Variants in LUZP2 observed in about 807,000 individuals in gnomAD.
The protein encoded by LUZP2 is leucine zipper protein 2.
Under a neutral mutation model 51.6 loss-of-function variants are expected in LUZP2, and 52 were observed. The ratio of observed to expected loss-of-function variants is 1.01; its 90% CI spans 0.81 to 1.27. LUZP2 has a LOEUF of 1.27. Among genes scored for constraint, LUZP2 ranks in the 50% most tolerant of loss-of-function variants. The probability of loss-of-function intolerance (pLI) is 0.00; values close to 1 mark genes in which losing one functional copy is unlikely to be tolerated. For missense variants in LUZP2, 436 were observed against 395.4 expected, an observed-to-expected ratio of 1.10 and a Z score of -0.87; for synonymous variants, 154 against 137.3, an observed-to-expected ratio of 1.12 and a Z score of -0.85.
chr11:24,551,536 T>A (rs917697037), intron 1 of LUZP2, among the ~76,000 whole-genome samples: 5 of 152,040 alleles, frequency 3.3e-5, no homozygotes, highest in African/African-American at 9.7e-5. Context: ...GTTGTGCAAT[T>A]CTGATTATGC....
chr11:24,761,717 C>G (rs1859986023), intron 4 of LUZP2, among the ~76,000 whole-genome samples: 4 of 152,100 alleles, frequency 2.6e-5, no homozygotes, highest in Non-Finnish European at 5.9e-5. Flanking sequence ...TGTTTACTTT[C>G]AACTGTGGTT....
At chr11:24,549,798 A>G (rs2133743771) in intron 1 of LUZP2, among the ~76,000 whole-genome samples, 1 of 152,220 alleles carries the variant, frequency 6.6e-6, no homozygotes, top group African/African-American at 2.4e-5. Context: ...AAATTGTATC[A>G]ATTTAAATAC....
At chr11:24,996,096 A>G (rs774551038) in intron 9 of LUZP2, among the ~76,000 whole-genome samples, 1 of 151,168 alleles carries the variant, frequency 6.6e-6, no homozygotes, top group Non-Finnish European at 1.5e-5. Context: ...ATTATCTATT[A>G]TAATATATTT....
At chr11:24,729,335 G>T in intron 2 of LUZP2, 49 bp downstream of exon 2, 1 of 962,622 alleles carries the variant, frequency 1.0e-6, no homozygotes, top group South Asian at 2.0e-5. Flanking sequence ...GCAGTCATCT[G>T]ATTTTCTGAG....
chr11:24,899,130 T>C (rs551439457), intron 5 of LUZP2, among the ~76,000 whole-genome samples: 57 of 152,308 alleles, frequency 3.7e-4, no homozygotes, highest in Non-Finnish European at 6.2e-4. Context: ...TCTAAACTTA[T>C]TCACTTGCAT....
At chr11:25,038,694 G>A (rs1236096081) in intron 9 of LUZP2, among the ~76,000 whole-genome samples, 1 of 152,196 alleles carries the variant, frequency 6.6e-6, no homozygotes, top group African/African-American at 2.4e-5. Context: ...TGGAGCTAGT[G>A]AGCTCATTTG....
chr11:24,612,527 A>T (rs1854156194), intron 1 of LUZP2, among the ~76,000 whole-genome samples: 2 of 152,114 alleles, frequency 1.3e-5, no homozygotes, highest in Non-Finnish European at 2.9e-5. Flanking sequence ...TAAGCTATCA[A>T]GTACCAGTTT....
intron 7 of LUZP2, among the ~76,000 whole-genome samples, chr11:24,915,017 G>A (rs1244920056): frequency 6.6e-6 from 1 of 152,040 alleles, no homozygotes. Flanking sequence ...ATCAAGATCA[G>A]GACTTGTTGA....
chr11:24,681,680 G>A (rs1042620521), intron 1 of LUZP2, among the ~76,000 whole-genome samples: 4 of 152,064 alleles, frequency 2.6e-5, no homozygotes, highest in Non-Finnish European at 1.5e-5. Context: ...AGGATAATTA[G>A]CTTCATTTTT....
At chr11:24,758,017 A>ATT (rs1423895154) in intron 4 of LUZP2, among the ~76,000 whole-genome samples, 1 of 152,112 alleles carries the variant, frequency 6.6e-6, no homozygotes, top group Non-Finnish European at 1.5e-5. Flanking sequence ...AAATGCAAGT[A>ATT]TTTTGTGGAA....
rs1257601343 is a variant in LUZP2, at chr11:24,658,645, G to A, written c.63-70524G>A. On this transcript the variant is annotated intron_variant, in intron 1 of 11. Coordinates refer to ENST00000336930, the MANE Select transcript of LUZP2 (RefSeq NM_001009909.4). ...CATCAGAGTGAACAGGCAACCTACA[G>A]AATGGGAGAAAATTTTTGCAATCTA... Among the ~76,000 whole-genome samples, 8 of 152,146 alleles carry A rather than the reference G, an allele frequency of 5.3e-5. No homozygotes were observed. The East Asian group carries it at 7.7e-4, about 15-fold the overall frequency.
intron 1 of LUZP2, among the ~76,000 whole-genome samples, chr11:24,545,045 T>A (rs1473734198): frequency 6.6e-6 from 1 of 152,128 alleles, no homozygotes; most frequent in African/African-American, 2.4e-5. Context: ...TCAGTGATGT[T>A]GAACTTTTTA....
chr11:24,761,267 G>A (rs1030354552), intron 4 of LUZP2, among the ~76,000 whole-genome samples: 9 of 152,076 alleles, frequency 5.9e-5, no homozygotes, highest in Non-Finnish European at 7.4e-5. Flanking sequence ...CACATGGGCA[G>A]AACAGGAGGA....
chr11:24,817,398 G>T (rs1473466773), intron 5 of LUZP2, among the ~76,000 whole-genome samples: 1 of 151,936 alleles, frequency 6.6e-6, no homozygotes, highest in Non-Finnish European at 1.5e-5. Flanking sequence ...GGTTGAGTTG[G>T]ATAAGTATCT....
Position 24,573,879 on chromosome 11 carries a change from T to A in LUZP2, c.62+76574T>A, listed in dbSNP as rs11028032. 4.0e-5 allele frequency among the ~76,000 whole-genome samples: 6 copies of A among 151,800 alleles called. No individual in the cohort carries two copies. The South Asian group carries it at 1.0e-3, about 26-fold the overall frequency. On this transcript the variant is annotated intron_variant, in intron 1 of 11. Transcript: ENST00000336930. Reference sequence around the variant, plus strand: ...TCTTGTTTTATTTTTTTTATTTTTTTAATTTTATTATTATTATACTTTAAG... The same window carrying A: ...TCTTGTTTTATTTTTTTTATTTTTTAAATTTTATTATTATTATACTTTAAG...
At chr11:24,664,038 G>C (rs1201089880) in intron 1 of LUZP2, among the ~76,000 whole-genome samples, 1 of 152,154 alleles carries the variant, frequency 6.6e-6, no homozygotes, top group African/African-American at 2.4e-5. Context: ...GTACCAGGTA[G>C]AACGGTGTTG....
At chr11:24,670,385 T>C (rs1238230026) in intron 1 of LUZP2, among the ~76,000 whole-genome samples, 1 of 152,120 alleles carries the variant, frequency 6.6e-6, no homozygotes, top group Admixed American at 6.6e-5. Context: ...TCCCATTTTA[T>C]GGATGAAATA....
At chr11:24,801,574 C>A (rs1346915185) in intron 5 of LUZP2, among the ~76,000 whole-genome samples, 1 of 151,610 alleles carries the variant, frequency 6.6e-6, no homozygotes, top group Non-Finnish European at 1.5e-5. Flanking sequence ...AAAAAGAGAT[C>A]TAGGAAAATT....
chr11:24,743,435 T>C (rs1859259138), intron 4 of LUZP2, among the ~76,000 whole-genome samples: 1 of 152,120 alleles, frequency 6.6e-6, no homozygotes, highest in Admixed American at 6.6e-5. Context: ...CTAAGTATTT[T>C]ACTTTTTTTG....
Sources: allele counts gnomAD v4.1 joint callset (sites outside exome capture counted in the v4.1 genomes callset), GRCh38; gene constraint gnomAD v4.1.1; transcripts MANE v1.5; gene names NCBI Gene and HGNC (gene_info 2026-07-23, HGNC 2026-07-21).